Variants in PPP4R1 observed in about 807,000 individuals in gnomAD.
PPP4R1 encodes serine/threonine-protein phosphatase 4 regulatory subunit 1.
In PPP4R1, 42 loss-of-function variants were observed where a neutral mutation model predicts 111.2. That is an observed-to-expected ratio of 0.38 (90% CI 0.29 to 0.49). The LOEUF is 0.49. Ranked by LOEUF, PPP4R1 falls within the 20% of genes least tolerant of loss-of-function variation. The pLI is 0.97. For missense variants in PPP4R1, 1,012 were observed against 1,161.6 expected, an observed-to-expected ratio of 0.87 and a Z score of 1.87; for synonymous variants, 409 against 405.5, an observed-to-expected ratio of 1.01 and a Z score of -0.10.
intron 2 of PPP4R1, among the ~76,000 whole-genome samples, chr18:9,606,475 C>T (rs1357253585): frequency 6.6e-6 from 1 of 152,184 alleles, no homozygotes; most frequent in Non-Finnish European, 1.5e-5. Flanking sequence ...ACAACATAAT[C>T]TTTATAGTCT....
chr18:9,559,077 C>T (rs1343521836), intron 14 of PPP4R1, among the ~76,000 whole-genome samples: 2 of 152,148 alleles, frequency 1.3e-5, no homozygotes, highest in East Asian at 3.8e-4. Context: ...ATCAAATAAG[C>T]ATTTATAATA....
At chr18:9,548,352 T>C (rs1267519828) in intron 19 of PPP4R1, among the ~76,000 whole-genome samples, 1 of 152,084 alleles carries the variant, frequency 6.6e-6, no homozygotes. Flanking sequence ...CAAACTTCTT[T>C]CTGTGCTTCA....
At chr18:9,568,409 A>G (rs2066805605) in intron 11 of PPP4R1, among the ~76,000 whole-genome samples, 1 of 152,230 alleles carries the variant, frequency 6.6e-6, no homozygotes, top group South Asian at 2.1e-4. Flanking sequence ...AACCAGCAGT[A>G]TCTCCAAGGT....
intron 15 of PPP4R1, among the ~76,000 whole-genome samples, chr18:9,554,604 C>T (rs1012745146): frequency 6.6e-6 from 1 of 152,230 alleles, no homozygotes; most frequent in South Asian, 2.1e-4. Flanking sequence ...CTACTATCTA[C>T]ACCTCCTAGC....
chr18:9,612,011 C>T (rs1027663405), intron 2 of PPP4R1, among the ~76,000 whole-genome samples: 1 of 122,344 alleles, frequency 8.2e-6, no homozygotes, highest in Admixed American at 7.9e-5. Context: ...GAAACTCCAT[C>T]TCAAAAAAAA....
At chr18:9,594,902 A>G in intron 3 of PPP4R1, 116 bp downstream of exon 3, 1 of 1,226,336 alleles carries the variant, frequency 8.2e-7, no homozygotes, top group Non-Finnish European at 1.1e-6. Context: ...AAACTTGGTG[A>G]CTCAGATTGT....
intron 2 of PPP4R1, among the ~76,000 whole-genome samples, chr18:9,605,386 A>G (rs1442599211): frequency 6.6e-6 from 1 of 152,126 alleles, no homozygotes; most frequent in Non-Finnish European, 1.5e-5. Flanking sequence ...GTTTGGAAAC[A>G]GGGTATTTCC....
intron 15 of PPP4R1, among the ~76,000 whole-genome samples, chr18:9,555,055 A>G (rs986321314): frequency 6.6e-6 from 1 of 152,224 alleles, no homozygotes. Context: ...TAATCCCAGA[A>G]CTTTGGGAGG....
At position 9,614,280 on chromosome 18, in the gene PPP4R1, G is replaced by A. The variant is rs1036821086; in HGVS notation, c.8-10C>T. 1.5e-6 allele frequency: 2 copies of A among 1,312,180 alleles called. No individual in the cohort carries two copies. Among genetic ancestry groups the A allele is most frequent in the South Asian group, 2.0e-5 (1 of 49,428 alleles). The allele number at this position is 1,312,180 out of a possible 1,614,324, so 81.3% of individuals were successfully genotyped here. On this transcript the variant is annotated splice_polypyrimidine_tract_variant and intron_variant, in intron 1 of 19. Coordinates refer to ENST00000400556, the MANE Select transcript of PPP4R1 (RefSeq NM_001042388.3). The surrounding 1 kb of genome is among the most constrained non-coding windows in gnomAD (Gnocchi z 4.1). Reference sequence around the variant, plus strand: ...TGAAGCAGCGAGAGGTCTGCGCCGAGGGGAGAGAAGAAAGGCCCGGTCAGC... The same window carrying A: ...TGAAGCAGCGAGAGGTCTGCGCCGAAGGGAGAGAAGAAAGGCCCGGTCAGC...
At chr18:9,548,091 C>G (rs1345696521) in intron 19 of PPP4R1, 139 bp from the exon 20 acceptor site, 4 of 824,342 alleles carry the variant, frequency 4.9e-6, no homozygotes, top group Non-Finnish European at 7.2e-6. Context: ...AACAGTAATC[C>G]AAACTGATTT....
chr18:9,559,214 A>G (rs2066635044), intron 14 of PPP4R1, among the ~76,000 whole-genome samples: 1 of 152,238 alleles, frequency 6.6e-6, no homozygotes, highest in Admixed American at 6.5e-5. Flanking sequence ...CTAATGCTTT[A>G]GATAAAAATG....
chr18:9,611,263 CTACTCTGGAGGTTGGGCTCCA>C (rs2067574556), intron 2 of PPP4R1, among the ~76,000 whole-genome samples: 1 of 152,178 alleles, frequency 6.6e-6, no homozygotes, highest in Non-Finnish European at 1.5e-5. Context: ...TTGTTTACAA[CTACTCTGGAGGTTGGGCTCCA>C]TACTCTGGAG....
At chr18:9,610,854 A>G (rs751884395) in intron 2 of PPP4R1, among the ~76,000 whole-genome samples, 5 of 130,082 alleles carry the variant, frequency 3.8e-5, no homozygotes, top group Admixed American at 8.1e-5. Flanking sequence ...AACTCCTTCA[A>G]TGAAATTATG....
intron 12 of PPP4R1, among the ~76,000 whole-genome samples, chr18:9,562,336 G>T (rs927562941): frequency 6.6e-6 from 1 of 152,250 alleles, no homozygotes; most frequent in South Asian, 2.1e-4. Flanking sequence ...TTTTGAAATG[G>T]TCCAAACAGC....
intron 6 of PPP4R1, among the ~76,000 whole-genome samples, chr18:9,585,684 G>C (rs1018312878): frequency 6.6e-6 from 1 of 152,144 alleles, no homozygotes; most frequent in Admixed American, 6.5e-5. Context: ...GTATGTTTAG[G>C]AAGGTTGTAG....
At chr18:9,602,820 C>CAAAAAAAAAAAAAAAAAAA (rs536444961) in intron 2 of PPP4R1, among the ~76,000 whole-genome samples, 1 of 144,672 alleles carries the variant, frequency 6.9e-6, no homozygotes, top group African/African-American at 2.7e-5. Context: ...GACACTGTCT[C>CAAAAAAAAAAAAAAAAAAA]AAAAAAAAAG....
Position 9,614,326 on chromosome 18 carries a change from GCCCC to G in PPP4R1, c.8-60_8-57del. The G allele has an allele frequency of 1.1e-6, 1 of 949,906 alleles. No homozygotes were observed. The highest frequency in any genetic ancestry group is 1.3e-6 in the Non-Finnish European group (1 of 777,414). 58.8% of individuals were successfully genotyped at this position (949,906 alleles called of 1,614,324 possible). On this transcript the variant is annotated intron_variant, in intron 1 of 19. Transcript: ENST00000400556. This position sits in a 1 kb window ranked among gnomAD's most constrained non-coding sequence, Gnocchi z 4.1. ...TCAGCGCCCCGGGGCCCGGCGCGAC[GCCCC>G]CCCCCCGCCCGCCTCCCCCCCGCCC... is the stretch of plus-strand genomic sequence containing the variant.
rs2066462591 is a variant in PPP4R1, at chr18:9,549,957, GAGTA to G, written c.2547+91_2547+94del. 2.0e-6 allele frequency: 3 copies of G among 1,522,582 alleles called. No individual in the cohort carries two copies. In the Admixed American group the frequency reaches 5.3e-5, roughly 27 times the overall value. The allele number at this position is 1,522,582 out of a possible 1,614,324, so 94.3% of individuals were successfully genotyped here. A position where few individuals can be genotyped will look rare whatever the true frequency, so the allele number is the denominator to read the frequency against. On this transcript the variant is annotated intron_variant, in intron 18 of 19. Coordinates refer to ENST00000400556, the MANE Select transcript of PPP4R1 (RefSeq NM_001042388.3). ...GCTACTATAAGGTTCTGTTCCTTAA[GAGTA>G]AGGAAGAGGGTGAGAGAGAGGTAGG...
rs151246863 is a variant in PPP4R1, at chr18:9,580,641, C to T, written c.918+2476G>A. Among the ~76,000 whole-genome samples, 659 of 152,264 alleles carry T rather than the reference C, an allele frequency of 4.3e-3. 7 individuals carry two copies. Among genetic ancestry groups the T allele is most frequent in the African/African-American group, 0.015 (616 of 41,548 alleles). On this transcript the variant is annotated intron_variant, in intron 9 of 19. Transcript: ENST00000400556. The stretch of plus-strand genomic sequence containing the variant: ...CTGGGATTACAGGTGCGAGCCACCG[C>T]GCCCAGCTGACCATTCCCTCCTTGT...
Sources: gnomAD v4.1 joint callset for allele counts (sites outside exome capture counted in the v4.1 genomes callset) on GRCh38, gnomAD v4.1.1 for gene constraint, Gnocchi (gnomAD v3.1) non-coding constraint, MANE v1.5 for transcripts, NCBI Gene and HGNC (gene_info 2026-07-23, HGNC 2026-07-21) for gene names.